The following ACAD9 variants were observed in gnomAD, a reference collection of about 807,000 sequenced individuals.
The protein encoded by ACAD9 is complex I assembly factor ACAD9, mitochondrial.
In ACAD9, 53 loss-of-function variants were observed where a neutral mutation model predicts 70.2. The observed-to-expected ratio is 0.75, with a 90% CI of 0.61 to 0.95. ACAD9 has a LOEUF of 0.95. Ranked by LOEUF, ACAD9 falls within the 40% of genes least tolerant of loss-of-function variation. The probability of loss-of-function intolerance (pLI) is 0.00; values close to 1 mark genes in which losing one functional copy is unlikely to be tolerated. For synonymous variants in ACAD9, 313 were observed against 312.1 expected, an observed-to-expected ratio of 1.00 and a Z score of -0.03; for missense variants, 777 against 802.8, an observed-to-expected ratio of 0.97 and a Z score of 0.39.
intron 15 of ACAD9, chr3:128,909,795 G>A (rs1368680024): frequency 4.6e-6 from 3 of 652,236 alleles, no homozygotes; most frequent in East Asian, 2.7e-5. Flanking sequence ...AAGCTTCTGG[G>A]ACCTGGTCTT....
At chr3:128,901,411 A>G (rs982686379) in intron 8 of ACAD9, 62 bp downstream of exon 8, 8 of 1,572,034 alleles carry the variant, frequency 5.1e-6, no homozygotes, top group Non-Finnish European at 7.0e-6. Context: ...TGTCGCCCCC[A>G]GCTTTTGCCC....
rs63473460 is a variant in ACAD9 at position 128,899,523 on chromosome 3, G to GGT, written c.808+101_808+102dup. The GGT allele has an allele frequency of 0.11, 118,804 of 1,060,354 alleles. 2,320 individuals are homozygous for GGT. Among genetic ancestry groups the GGT allele is most frequent in the African/African-American group, 0.18 (10,944 of 60,086 alleles). The allele number at this position is 1,060,354 out of a possible 1,614,324, so 65.7% of individuals were successfully genotyped here. ...TGTAAGGGGGAGACTGGCCTTTGAC[G>GGT]GTGTGTGTGTGTGTGTGTGTGTGTG... On this transcript the variant is annotated intron_variant, in intron 7 of 17. Transcript: ENST00000308982.
intron 2 of ACAD9, among the ~76,000 whole-genome samples, chr3:128,892,976 T>C (rs977040677): frequency 2.0e-5 from 3 of 152,142 alleles, no homozygotes; most frequent in Non-Finnish European, 4.4e-5. Context: ...TGCTGCTGTT[T>C]TACACAGCAA....
intron 14 of ACAD9, 107 bp from the exon 15 acceptor site, chr3:128,909,237 G>A (rs1270953415): frequency 3.1e-5 from 49 of 1,597,830 alleles, no homozygotes; most frequent in Non-Finnish European, 4.1e-5. Context: ...ATGACACCCT[G>A]GATTGCTTCC....
intron 12 of ACAD9, among the ~76,000 whole-genome samples, chr3:128,906,853 CTG>C (rs974351766): frequency 2.0e-5 from 3 of 152,158 alleles, no homozygotes; most frequent in Non-Finnish European, 2.9e-5. Context: ...AGTAGCCAGA[CTG>C]TGGAGGACCT....
chr3:128,896,928 G>A (rs1160329867), intron 5 of ACAD9, among the ~76,000 whole-genome samples: 1 of 152,086 alleles, frequency 6.6e-6, no homozygotes, highest in Non-Finnish European at 1.5e-5. Context: ...GCAGGGCTGC[G>A]GCAGCACTCG....
intron 12 of ACAD9, among the ~76,000 whole-genome samples, chr3:128,907,765 G>A (rs1484426487): frequency 6.6e-6 from 1 of 152,210 alleles, no homozygotes; most frequent in Non-Finnish European, 1.5e-5. Context: ...GCACTGAGGA[G>A]GTTCTAGCTG....
chr3:128,889,537 T>G (rs1447527330), intron 2 of ACAD9, among the ~76,000 whole-genome samples: 1 of 152,220 alleles, frequency 6.6e-6, no homozygotes, highest in Non-Finnish European at 1.5e-5. Flanking sequence ...CCTCTTTTAT[T>G]TCCCCCCTGT....
chr3:128,910,640 C>T, intron 16 of ACAD9, 101 bp from the exon 17 acceptor site: 2 of 1,299,828 alleles, frequency 1.5e-6, no homozygotes, highest in Non-Finnish European at 1.1e-6. Context: ...CCTTGTGACC[C>T]CTGCCATGCT....
At chr3:128,887,619 A>T (rs866509174) in intron 2 of ACAD9, among the ~76,000 whole-genome samples, 4,199 of 127,488 alleles carry the variant, frequency 0.033, 109 homozygotes, top group South Asian at 0.13. Flanking sequence ...AAAAAAAAAT[A>T]AAAATAAAAA....
At chr3:128,887,708 G>A (rs1225261692) in intron 2 of ACAD9, among the ~76,000 whole-genome samples, 1 of 149,194 alleles carries the variant, frequency 6.7e-6, no homozygotes, top group Non-Finnish European at 1.5e-5. Flanking sequence ...CCCTCTCACA[G>A]GAACAAAGGT....
chr3:128,895,643 T>A (rs917135599), intron 4 of ACAD9, among the ~76,000 whole-genome samples: 1 of 152,122 alleles, frequency 6.6e-6, no homozygotes, highest in Non-Finnish European at 1.5e-5. Flanking sequence ...TGAATCCACC[T>A]CCTGTCCCCA....
At chr3:128,892,284 G>A (rs900903811) in intron 2 of ACAD9, among the ~76,000 whole-genome samples, 5 of 152,168 alleles carry the variant, frequency 3.3e-5, no homozygotes, top group Non-Finnish European at 5.9e-5. Context: ...AATTATGTAT[G>A]TCAATAAAGT....
intron 3 of ACAD9, among the ~76,000 whole-genome samples, chr3:128,894,016 G>C (rs1425015230): frequency 6.6e-6 from 1 of 152,128 alleles, no homozygotes; most frequent in Non-Finnish European, 1.5e-5. Flanking sequence ...CCTTATTAGA[G>C]TTGGCCAGTC....
At chr3:128,906,370 G>A in intron 12 of ACAD9, 121 bp downstream of exon 12, 3 of 1,465,800 alleles carry the variant, frequency 2.0e-6, no homozygotes, top group East Asian at 2.3e-5. Context: ...GCTCTCAGGG[G>A]CTCTCCTAGC....
chr3:128,895,868 A>T (rs112620401), intron 4 of ACAD9, among the ~76,000 whole-genome samples: 2 of 152,350 alleles, frequency 1.3e-5, no homozygotes, highest in African/African-American at 4.8e-5. Context: ...TTTCTGCTTA[A>T]TGTTGACATC....
At chr3:128,892,971 C>T (rs1287310390) in intron 2 of ACAD9, among the ~76,000 whole-genome samples, 4 of 152,120 alleles carry the variant, frequency 2.6e-5, no homozygotes, top group South Asian at 2.1e-4. Context: ...TAATTTGCTG[C>T]TGTTTTACAC....
chr3:128,899,235 G>C, intron 6 of ACAD9, 52 bp from the exon 7 acceptor site: 1 of 1,589,540 alleles, frequency 6.3e-7, no homozygotes, highest in Non-Finnish European at 8.6e-7. Context: ...CAGAGCTGAG[G>C]TGGGTCACAT....
intron 3 of ACAD9, 95 bp downstream of exon 3, chr3:128,893,751 C>T: frequency 2.8e-6 from 3 of 1,063,424 alleles, no homozygotes; most frequent in Non-Finnish European, 4.3e-6. Context: ...TAGATGACAC[C>T]ATCCGTGGTG....
Sources: gnomAD v4.1 joint callset for allele counts (sites outside exome capture counted in the v4.1 genomes callset) on GRCh38, gnomAD v4.1.1 for gene constraint, MANE v1.5 for transcripts, NCBI Gene and HGNC (gene_info 2026-07-23, HGNC 2026-07-21) for gene names.